SERINC5: variants seen among roughly 807,000 people sequenced by gnomAD.
SERINC5 encodes the protein chromosome 5 open reading frame 12.
A neutral mutation model predicts 63.1 loss-of-function variants in SERINC5; 41 were observed. That is an observed-to-expected ratio of 0.65 (90% CI 0.51 to 0.84). The LOEUF (loss-of-function observed/expected upper bound fraction) is 0.84, where lower values mean the gene tolerates loss of function less well. Among genes scored for constraint, SERINC5 ranks in the 40% least tolerant of loss-of-function variants. The pLI, the probability that SERINC5 is intolerant of heterozygous loss-of-function variation, is 0.00. For synonymous variants in SERINC5, 222 were observed against 215.2 expected (o/e 1.03, Z -0.28); for missense variants, 523 against 573.0 (o/e 0.91, Z 0.89).
rs979477661 is a variant in SERINC5 at position 80,140,550 on chromosome 5, A to C, written c.*3113T>G. On this transcript the variant is annotated 3_prime_UTR_variant, in exon 12 of 12. Transcript: ENST00000507668. ...CTGGCAAATAATTTCTTTTTCAGACAAAATGAAGAACCTTTTTGCCCAAGA... is the reference window on the plus strand; with the variant it reads ...CTGGCAAATAATTTCTTTTTCAGACCAAATGAAGAACCTTTTTGCCCAAGA... 8.8e-5 allele frequency: 87 copies of C among 984,728 alleles called. No individual in the cohort carries two copies. The highest frequency in any genetic ancestry group is 1.0e-4 in the Non-Finnish European group (83 of 829,854). 61.0% of individuals were successfully genotyped at this position (984,728 alleles called of 1,614,324 possible).
chr5:80,170,693 A>T lies in SERINC5; in HGVS notation c.552-1147T>A, dbSNP rs529060585. 6.6e-5 allele frequency among the ~76,000 whole-genome samples: 10 copies of T among 152,306 alleles called. No homozygotes were observed. In the South Asian group the frequency reaches 1.9e-3, roughly 28 times the overall value. ...GGGCTTCCCCAAGTTTTCTCCATAA[A>T]CACAGAGCCCCGAAGCGCCATAGTC... On this transcript the variant is annotated intron_variant, in intron 5 of 11. Transcript: ENST00000507668.
intron 2 of SERINC5, among the ~76,000 whole-genome samples, chr5:80,189,739 T>G (rs1401828339): frequency 7.9e-5 from 12 of 152,068 alleles, no homozygotes; most frequent in Non-Finnish European, 1.6e-4. Context: ...AGAGAAGGGG[T>G]CTTGCTCTGT....
intron 5 of SERINC5, among the ~76,000 whole-genome samples, chr5:80,174,246 A>G (rs1305826503): frequency 1.3e-5 from 2 of 152,018 alleles, no homozygotes; most frequent in East Asian, 3.9e-4. Flanking sequence ...ACATGCCTGT[A>G]GTCCCAGCTT....
At chr5:80,126,943 T>C (rs1744767949) in intron 11 of SERINC5, among the ~76,000 whole-genome samples, 1 of 152,162 alleles carries the variant, frequency 6.6e-6, no homozygotes, top group Non-Finnish European at 1.5e-5. Flanking sequence ...AAAATAAATA[T>C]ATACTCATCA....
intron 11 of SERINC5, among the ~76,000 whole-genome samples, chr5:80,145,689 TA>T (rs1745773255): frequency 6.6e-6 from 1 of 152,192 alleles, no homozygotes; most frequent in Non-Finnish European, 1.5e-5. Context: ...AAAGTTGCCA[TA>T]AGCATCACCA....
chr5:80,198,148 AT>A (rs1749621982), intron 2 of SERINC5, among the ~76,000 whole-genome samples: 1 of 152,066 alleles, frequency 6.6e-6, no homozygotes, highest in Admixed American at 6.6e-5. Flanking sequence ...TCTAAAATGG[AT>A]TTTTAATCCC....
intron 2 of SERINC5, among the ~76,000 whole-genome samples, chr5:80,186,158 C>T (rs1228817644): frequency 8.8e-6 from 1 of 113,850 alleles, no homozygotes; most frequent in Admixed American, 9.9e-5. Context: ...AAAAAAAAGA[C>T]AGAGTTTCAC....
In SERINC5 at chr5:80,202,992, C is replaced by T. The variant is rs373092185; in HGVS notation, c.89G>A (p.Arg30Gln). The T allele has an allele frequency of 1.7e-5, 28 of 1,613,070 alleles. No individual in the cohort carries two copies. The highest frequency in any genetic ancestry group is 1.2e-4 in the African/African-American group (9 of 74,836). ...SLCCDCCPRIRQSLSTRFMYA... is the reference protein window; with the variant it reads ...SLCCDCCPRIQQSLSTRFMYA... ...CATGAAGCGGGTGCTGAGGGACTGC[C>T]GAATCCTGGGGCAGCAATCACAGCA... is the stretch of plus-strand genomic sequence containing the variant. Residue 30 changes from arginine (R) to glutamine (Q), a missense_variant, in exon 2 of 12, where the codon CGG becomes CAG. Arg to Gln is a conservative substitution (Grantham distance 43, BLOSUM62 1). Transcript: ENST00000507668.
chr5:80,160,968 ATATATGTATATATGTGTG>A (rs1309807670), intron 7 of SERINC5, among the ~76,000 whole-genome samples: 4 of 149,456 alleles, frequency 2.7e-5, no homozygotes, highest in East Asian at 1.9e-4. Flanking sequence ...GTGTGTGTAT[ATATATGTATATATGTGTG>A]TATATGTATA....
Position 80,141,346 on chromosome 5 carries a change from C to T in SERINC5, c.*2317G>A, listed in dbSNP as rs117407298. 257 of 985,418 alleles carry T rather than the reference C, an allele frequency of 2.6e-4. 4 individuals carry two copies. The East Asian group carries it at 0.026, about 98-fold the overall frequency. 61.0% of individuals were successfully genotyped at this position (985,418 alleles called of 1,614,324 possible). On this transcript the variant is annotated 3_prime_UTR_variant, in exon 12 of 12. Transcript: ENST00000507668. ...GAAGGAAGCGACGAGGGCCTTCTAC[C>T]GGCCACACTCCCTTGCTTGGGCTTC...
intron 2 of SERINC5, among the ~76,000 whole-genome samples, chr5:80,186,248 T>C (rs1748799573): frequency 6.6e-6 from 1 of 151,342 alleles, no homozygotes; most frequent in Non-Finnish European, 1.5e-5. Flanking sequence ...GTGATTCTCC[T>C]GCCTCAGCCT....
downstream of SERINC5, among the ~76,000 whole-genome samples, chr5:80,135,055 T>C (rs1269709057): frequency 1.3e-5 from 2 of 152,180 alleles, no homozygotes; most frequent in African/African-American, 4.8e-5. Flanking sequence ...AGGAAACTAT[T>C]TGGCTGCAAA....
intron 5 of SERINC5, among the ~76,000 whole-genome samples, chr5:80,174,194 C>T (rs1747862761): frequency 6.6e-6 from 1 of 151,876 alleles, no homozygotes; most frequent in African/African-American, 2.4e-5. Context: ...AATCCCATCT[C>T]TACCAAGCAA....
At chr5:80,138,723 C>T, downstream of SERINC5, 1 of 701,818 alleles carries the variant, frequency 1.4e-6, no homozygotes, top group Non-Finnish European at 1.7e-6. Context: ...TTCAAAACAT[C>T]ATGTTGCACA....
At chr5:80,183,172 A>G (rs934156500) in intron 2 of SERINC5, among the ~76,000 whole-genome samples, 4 of 150,246 alleles carry the variant, frequency 2.7e-5, no homozygotes, top group African/African-American at 7.6e-5. Context: ...CAGAGAAACC[A>G]GAGATTCTGC....
chr5:80,139,665 A>C lies in SERINC5; in HGVS notation c.*3998T>G. On this transcript the variant is annotated 3_prime_UTR_variant, in exon 12 of 12. Coordinates refer to ENST00000507668, the MANE Select transcript of SERINC5 (RefSeq NM_001174072.3). ...TCCAGTACTGTGAAGTCAAAGGCCC[A>C]ACATTACAGAGCGCACCTCTGCCTG... 1.0e-6 allele frequency: 1 copy of C among 985,184 alleles called. No homozygotes were observed. 61.0% of individuals were successfully genotyped at this position (985,184 alleles called of 1,614,324 possible). A position where few individuals can be genotyped will look rare whatever the true frequency, so the allele number is the denominator to read the frequency against.
chr5:80,124,221 T>G (rs1036175079), intron 11 of SERINC5, among the ~76,000 whole-genome samples: 3 of 152,122 alleles, frequency 2.0e-5, no homozygotes, highest in Non-Finnish European at 4.4e-5. Context: ...TGCCCCTACC[T>G]CCAACTTTGG....
chr5:80,241,141 G>A (rs1172781562), intron 1 of SERINC5, among the ~76,000 whole-genome samples: 1 of 151,860 alleles, frequency 6.6e-6, no homozygotes, highest in Admixed American at 6.6e-5. Context: ...CTTTTTCAAG[G>A]TGCTACATAC....
chr5:80,252,557 A>G (rs563467814), intron 1 of SERINC5, among the ~76,000 whole-genome samples: 1 of 152,354 alleles, frequency 6.6e-6, no homozygotes, highest in Admixed American at 6.5e-5. Context: ...CAACAGCCTA[A>G]GCAAAACCAA....
Sources: allele counts gnomAD v4.1 joint callset (sites outside exome capture counted in the v4.1 genomes callset), GRCh38; gene constraint gnomAD v4.1.1; transcripts MANE v1.5; gene names NCBI Gene and HGNC (gene_info 2026-07-23, HGNC 2026-07-21).